The following BBS4 variants were observed in gnomAD, a reference collection of about 807,000 sequenced individuals.
BBS4 encodes the protein Bardet-Biedl syndrome 4.
A neutral mutation model predicts 71.4 loss-of-function variants in BBS4; 58 were observed. The ratio of observed to expected loss-of-function variants is 0.81; its 90% CI spans 0.66 to 1.01. BBS4 has a LOEUF of 1.01. Among genes scored for constraint, BBS4 ranks in the 50% least tolerant of loss-of-function variants. The pLI is 0.00. For missense variants in BBS4, 660 were observed against 607.9 expected (o/e 1.09, Z -0.90); for synonymous variants, 228 against 216.8 (o/e 1.05, Z -0.46).
intron 3 of BBS4, 38 bp from the exon 4 acceptor site, chr15:72,712,206 T>C (rs1353739467): frequency 6.3e-7 from 1 of 1,597,680 alleles, no homozygotes; most frequent in Non-Finnish European, 8.6e-7. Context: ...CTGAAGAAAC[T>C]TAACCACTGC....
chr15:72,724,429 A>C, intron 7 of BBS4, 99 bp from the exon 8 acceptor site: 1 of 1,551,486 alleles, frequency 6.4e-7, no homozygotes, highest in Non-Finnish European at 8.8e-7. Context: ...TGATGTTCCT[A>C]TGTCAATACA....
At chr15:72,723,665 A>G (rs1457867675) in intron 7 of BBS4, among the ~76,000 whole-genome samples, 1 of 152,236 alleles carries the variant, frequency 6.6e-6, no homozygotes. Flanking sequence ...GCACATTAGC[A>G]GTTGGGGTGT....
At chr15:72,711,209 G>A (rs12101432) in intron 3 of BBS4, among the ~76,000 whole-genome samples, 140,290 of 151,564 alleles carry the variant, frequency 0.93, 65,930 homozygotes, top group East Asian at 1. Context: ...GTGCAATGGC[G>A]TGACCTCGGC....
rs1567436729 is a variant in BBS4, at chr15:72,737,831, C to CT, written c.*245dup. On this transcript the variant is annotated 3_prime_UTR_variant, in exon 16 of 16. Coordinates refer to ENST00000268057, the MANE Select transcript of BBS4 (RefSeq NM_033028.5). ...AAAGAGAACACAGTTCCTTTAAGAA[C>CT]TGGCAGCAAGGCTTGAGGCCTTATG... The CT allele has an allele frequency of 5.7e-6, 3 of 525,898 alleles. No individual in the cohort carries two copies. In the African/African-American group the frequency reaches 5.7e-5, roughly 10 times the overall value. 32.6% of individuals were successfully genotyped at this position (525,898 alleles called of 1,614,324 possible).
chr15:72,689,780 TTTTATTTATTTATTTATTTA>T (rs57141334), intron 1 of BBS4, among the ~76,000 whole-genome samples: 14 of 147,654 alleles, frequency 9.5e-5, no homozygotes, highest in South Asian at 6.4e-4. Flanking sequence ...TTATAAATCT[TTTTATTTATTTATTTATTTA>T]TTTATTTATT....
In BBS4 at chr15:72,735,900, A is replaced by G. The variant is rs771579669; in HGVS notation, c.1182A>G (p.Gln394=). The G allele has an allele frequency of 1.4e-5, 22 of 1,614,006 alleles. No individual in the cohort carries two copies. The highest frequency in any genetic ancestry group is 4.0e-5 in the African/African-American group (3 of 74,914). ...NQGEKKNALA[Q]YQEMEKKVSL... ...GCGAGAAGAAGAACGCCCTGGCCCA[A>G]TATCAGGAGATGGAGAAGAAAGTCA... Residue 394 remains glutamine, a synonymous_variant, in exon 14 of 16, where the codon CAA becomes CAG. Transcript: ENST00000268057.
chr15:72,715,203 T>G, intron 4 of BBS4, 88 bp from the exon 5 acceptor site: 1 of 895,928 alleles, frequency 1.1e-6, no homozygotes, highest in Non-Finnish European at 1.8e-6. Context: ...GGTTTCCCAG[T>G]TTTCTCTTCT....
In BBS4 at chr15:72,711,885, TCAGA is replaced by T. The variant is rs2065378929; in HGVS notation, c.157-354_157-351del. Among the ~76,000 whole-genome samples, 3 of 151,382 alleles carry T rather than the reference TCAGA, an allele frequency of 2.0e-5. No individual in the cohort carries two copies. In the South Asian group the frequency reaches 6.3e-4, roughly 32 times the overall value. ...ATTACTATTTGTTTTCTTTTTTTTT[TCAGA>T]CAGAGTCTCACTCTGTTGCCCAGGC... On this transcript the variant is annotated intron_variant, in intron 3 of 15. Coordinates refer to ENST00000268057, the MANE Select transcript of BBS4 (RefSeq NM_033028.5).
chr15:72,691,958 CAAAA>C (rs33994964), intron 1 of BBS4, among the ~76,000 whole-genome samples: 4 of 102,408 alleles, frequency 3.9e-5, no homozygotes, highest in Non-Finnish European at 4.2e-5. Context: ...GACTTCGTCT[CAAAA>C]AAAAAAAAAA....
intron 1 of BBS4, among the ~76,000 whole-genome samples, chr15:72,688,046 C>CAAAAAAAAAAAAAAAAAAAAAAAAAA (rs199931617): frequency 1.2e-5 from 1 of 84,888 alleles, no homozygotes; most frequent in Non-Finnish European, 2.8e-5. Context: ...GACTCCGTCT[C>CAAAAAAAAAAAAAAAAAAAAAAAAAA]AAAAAAAAAA....
chr15:72,697,738 CCTCA>C (rs2065100754), intron 2 of BBS4, among the ~76,000 whole-genome samples: 1 of 152,108 alleles, frequency 6.6e-6, no homozygotes, highest in Admixed American at 6.5e-5. Context: ...TGTGCCTCTC[CCTCA>C]CTCTTTCCTC....
At chr15:72,686,402 T>C in intron 1 of BBS4, 151 bp downstream of exon 1, 1 of 1,534,580 alleles carries the variant, frequency 6.5e-7, no homozygotes, top group Non-Finnish European at 8.7e-7. Flanking sequence ...CTTTTTACTG[T>C]CCCGGGAACT....
chr15:72,687,218 C>A (rs1007516308), intron 1 of BBS4, among the ~76,000 whole-genome samples: 2 of 148,728 alleles, frequency 1.3e-5, no homozygotes, highest in African/African-American at 4.9e-5. Context: ...TCCCAGGTTC[C>A]AGCAATTCTC....
intron 2 of BBS4, among the ~76,000 whole-genome samples, chr15:72,696,215 C>T (rs942858030): frequency 6.6e-6 from 1 of 152,014 alleles, no homozygotes; most frequent in Non-Finnish European, 1.5e-5. Flanking sequence ...GGTAAATTGA[C>T]CCGTTTGTCT....
intron 12 of BBS4, among the ~76,000 whole-genome samples, chr15:72,733,949 TTAA>T (rs934282218): frequency 6.6e-6 from 1 of 152,242 alleles, no homozygotes; most frequent in Non-Finnish European, 1.5e-5. Context: ...TTTTGAGTTT[TTAA>T]TAATAGCCAT....
intron 12 of BBS4, among the ~76,000 whole-genome samples, chr15:72,733,424 T>C (rs2065864725): frequency 6.6e-6 from 1 of 152,064 alleles, no homozygotes; most frequent in South Asian, 2.1e-4. Flanking sequence ...CCAATAGTTA[T>C]TTTTTTCTGG....
intron 4 of BBS4, among the ~76,000 whole-genome samples, chr15:72,713,345 A>ACACACACACACACG (rs1012999091): frequency 8.4e-6 from 1 of 118,502 alleles, no homozygotes; most frequent in South Asian, 3.5e-4. Context: ...ACACACACAC[A>ACACACACACACACG]CACACGCACA....
At chr15:72,728,973 G>A (rs964269658) in intron 9 of BBS4, among the ~76,000 whole-genome samples, 9 of 152,202 alleles carry the variant, frequency 5.9e-5, no homozygotes, top group African/African-American at 1.7e-4. Flanking sequence ...TTGGCTCCAC[G>A]GGAGATGAGG....
At chr15:72,725,722 T>C (rs1283541086) in intron 8 of BBS4, among the ~76,000 whole-genome samples, 15 of 94,528 alleles carry the variant, frequency 1.6e-4, no homozygotes, top group African/African-American at 6.0e-4. Flanking sequence ...CGTTTTCCCT[T>C]CCCCCTTTTC....
Sources: allele counts gnomAD v4.1 joint callset (sites outside exome capture counted in the v4.1 genomes callset), GRCh38; gene constraint gnomAD v4.1.1; transcripts MANE v1.5; gene names NCBI Gene and HGNC (gene_info 2026-07-23, HGNC 2026-07-21).